Variants in COX7B2 observed in about 807,000 individuals in gnomAD.
COX7B2 encodes the protein cytochrome c oxidase subunit 7B2, mitochondrial.
For synonymous variants in COX7B2, 37 were observed against 32.1 expected, an observed-to-expected ratio of 1.15 and a Z score of -0.51; for missense variants, 109 against 95.9, an observed-to-expected ratio of 1.14 and a Z score of -0.57.
rs548778972 is a variant in COX7B2, at chr4:46,860,951, G to A, written c.-104-15937C>T. 5.9e-5 allele frequency among the ~76,000 whole-genome samples: 9 copies of A among 152,190 alleles called. No homozygotes were observed. The South Asian group carries it at 1.9e-3, about 32-fold the overall frequency. On this transcript the variant is annotated intron_variant, in intron 1 of 2. Coordinates refer to ENST00000355591, the MANE Select transcript of COX7B2 (RefSeq NM_130902.3). Reference sequence around the variant, plus strand: ...TCTGGGGATTTTGGCCTATGGTGAGGGGACCCTCACTGGCCAATACCCAGG... The same window carrying A: ...TCTGGGGATTTTGGCCTATGGTGAGAGGACCCTCACTGGCCAATACCCAGG...
chr4:46,822,841 T>TA (rs1219230163), intron 2 of COX7B2, among the ~76,000 whole-genome samples: 1 of 152,006 alleles, frequency 6.6e-6, no homozygotes, highest in East Asian at 1.9e-4. Flanking sequence ...AGGTCAGAAA[T>TA]AAAAATAGCT....
rs149193072 is a variant in COX7B2, at chr4:46,769,655, G to T, written c.-49-34414C>A. On this transcript the variant is annotated intron_variant, in intron 2 of 2. Coordinates refer to ENST00000355591, the MANE Select transcript of COX7B2 (RefSeq NM_130902.3). Reference sequence around the variant, plus strand: ...CACCTGAGCCTGGGAGGCAGCGATTGCAGTGAGTCAAGATCACACACTACA... The same window carrying T: ...CACCTGAGCCTGGGAGGCAGCGATTTCAGTGAGTCAAGATCACACACTACA... Among the ~76,000 whole-genome samples, 735 of 152,228 alleles carry T rather than the reference G, an allele frequency of 4.8e-3. 5 individuals are homozygous for T. Among genetic ancestry groups the T allele is most frequent in the Non-Finnish European group, 7.5e-3 (510 of 68,012 alleles).
At chr4:46,753,900 G>A (rs61536268) in intron 2 of COX7B2, among the ~76,000 whole-genome samples, 49,776 of 151,982 alleles carry the variant, frequency 0.33, 8,414 homozygotes, top group South Asian at 0.47. Flanking sequence ...CAAGTAGGCA[G>A]AGGATATGAA....
At chr4:46,887,669 C>A (rs982705327) in intron 1 of COX7B2, among the ~76,000 whole-genome samples, 3 of 132,066 alleles carry the variant, frequency 2.3e-5, no homozygotes, top group Non-Finnish European at 3.1e-5. Context: ...TGAGATTGTG[C>A]AACTGCACTC....
intron 2 of COX7B2, among the ~76,000 whole-genome samples, chr4:46,823,705 T>A: frequency 6.6e-6 from 1 of 150,568 alleles, no homozygotes; most frequent in African/African-American, 2.4e-5. Flanking sequence ...TTGAAAAAAA[T>A]GGTAGCAAAC....
intron 2 of COX7B2, among the ~76,000 whole-genome samples, chr4:46,803,289 A>C (rs1718762011): frequency 6.6e-6 from 1 of 152,192 alleles, no homozygotes; most frequent in South Asian, 2.1e-4. Flanking sequence ...TCCCAGAAAA[A>C]GATACAATGT....
chr4:46,859,449 A>G (rs2109796996), intron 1 of COX7B2, among the ~76,000 whole-genome samples: 1 of 152,278 alleles, frequency 6.6e-6, no homozygotes, highest in Non-Finnish European at 1.5e-5. Context: ...CACATCTCTG[A>G]GCTCTACCTT....
intron 2 of COX7B2, among the ~76,000 whole-genome samples, chr4:46,832,122 C>T (rs752045241): frequency 6.6e-6 from 1 of 152,140 alleles, no homozygotes; most frequent in Non-Finnish European, 1.5e-5. Flanking sequence ...CTGCTCGGGT[C>T]CCCTTCCACA....
At chr4:46,862,827 A>G (rs1219971584) in intron 1 of COX7B2, among the ~76,000 whole-genome samples, 1 of 152,210 alleles carries the variant, frequency 6.6e-6, no homozygotes, top group Admixed American at 6.5e-5. Flanking sequence ...CTAAACTATT[A>G]AAAAGAAATA....
chr4:46,775,056 T>A (rs1273805859), intron 2 of COX7B2, among the ~76,000 whole-genome samples: 2 of 152,056 alleles, frequency 1.3e-5, no homozygotes, highest in South Asian at 2.1e-4. Context: ...GTCACATATA[T>A]GAGACCTTAA....
chr4:46,838,948 T>C (rs763323538), intron 2 of COX7B2, among the ~76,000 whole-genome samples: 11 of 151,918 alleles, frequency 7.2e-5, no homozygotes, highest in Admixed American at 7.2e-4. Flanking sequence ...GAAATCAAAG[T>C]CCCCAGGCCC....
intron 2 of COX7B2, among the ~76,000 whole-genome samples, chr4:46,742,467 T>A (rs1273355427): frequency 6.6e-6 from 1 of 152,142 alleles, no homozygotes; most frequent in Non-Finnish European, 1.5e-5. Flanking sequence ...TTTCACAATA[T>A]ATTCAAGTTT....
intron 2 of COX7B2, among the ~76,000 whole-genome samples, chr4:46,747,274 A>T (rs10938455): frequency 0.33 from 49,439 of 150,658 alleles, 8,343 homozygotes; most frequent in South Asian, 0.47. Context: ...TCTCATCATT[A>T]AGCTCCTATT....
At chr4:46,835,868 C>T (rs1715483568) in intron 2 of COX7B2, among the ~76,000 whole-genome samples, 1 of 152,156 alleles carries the variant, frequency 6.6e-6, no homozygotes, top group South Asian at 2.1e-4. Flanking sequence ...ATGATACACG[C>T]TACTGCTCGT....
chr4:46,900,249 G>A (rs1720001609), intron 1 of COX7B2, among the ~76,000 whole-genome samples: 2 of 152,158 alleles, frequency 1.3e-5, no homozygotes, highest in Admixed American at 1.3e-4. Context: ...CTAGGTCTGT[G>A]ACACAAAGGG....
At chr4:46,892,858 C>T (rs1179860454) in intron 1 of COX7B2, among the ~76,000 whole-genome samples, 1 of 152,148 alleles carries the variant, frequency 6.6e-6, no homozygotes, top group African/African-American at 2.4e-5. Flanking sequence ...CCCAGTGGGA[C>T]ATAACTGAAT....
chr4:46,869,992 C>T (rs1471950428), intron 1 of COX7B2, among the ~76,000 whole-genome samples: 5 of 152,124 alleles, frequency 3.3e-5, no homozygotes, highest in Admixed American at 6.6e-5. Flanking sequence ...GCTTTCTCCT[C>T]CTCCCTTTCA....
intron 1 of COX7B2, among the ~76,000 whole-genome samples, chr4:46,907,955 G>GTGATT (rs1720507837): frequency 1.4e-5 from 2 of 143,382 alleles, no homozygotes; most frequent in African/African-American, 5.2e-5. Context: ...CCGGGTTCAA[G>GTGATT]CGATTCTCCC....
intron 1 of COX7B2, among the ~76,000 whole-genome samples, chr4:46,892,769 C>T (rs569676537): frequency 2.0e-5 from 3 of 152,274 alleles, no homozygotes; most frequent in African/African-American, 7.2e-5. Flanking sequence ...TAATTATTTT[C>T]ATGGACCGAT....
Sources: allele counts gnomAD v4.1 joint callset (sites outside exome capture counted in the v4.1 genomes callset), GRCh38; gene constraint gnomAD v4.1.1; transcripts MANE v1.5; gene names NCBI Gene and HGNC (gene_info 2026-07-23, HGNC 2026-07-21).